The following KIF27 variants were observed in gnomAD, a reference collection of about 807,000 sequenced individuals.
KIF27 encodes the protein kinesin family member 27.
Under a neutral mutation model 141.8 loss-of-function variants are expected in KIF27, and 84 were observed. The ratio of observed to expected loss-of-function variants is 0.59; its 90% confidence interval spans 0.50 to 0.71. The LOEUF (loss-of-function observed/expected upper bound fraction) is 0.71. Ranked by LOEUF, KIF27 falls within the 30% of genes least tolerant of loss-of-function variation. The probability of loss-of-function intolerance (pLI) is 0.00; values close to 1 mark genes in which losing one functional copy is unlikely to be tolerated. For missense variants in KIF27, 1,306 were observed against 1,628.4 expected (o/e 0.80, Z 3.41); for synonymous variants, 471 against 569.5 (o/e 0.83, Z 2.46).
At chr9:83,839,083 A>C (rs985628768) in intron 17 of KIF27, among the ~76,000 whole-genome samples, 5 of 152,164 alleles carry the variant, frequency 3.3e-5, no homozygotes, top group South Asian at 4.1e-4. Flanking sequence ...TTGCTCAAGC[A>C]CAGGAGTTTG....
intron 5 of KIF27, among the ~76,000 whole-genome samples, chr9:83,893,938 G>A (rs894872052): frequency 6.6e-6 from 1 of 151,976 alleles, no homozygotes; most frequent in Non-Finnish European, 1.5e-5. Context: ...AAGGGGACAT[G>A]TGACTACACA....
Position 83,903,639 on chromosome 9 carries a change from A to C in KIF27, c.879T>G (p.Tyr293Ter). ...DPRRKSSHIP[Y>*]RDAKITRLLK... is the part of the protein sequence containing the mutation. ...GAAGCCGGGTAATTTTAGCATCCCT[A>C]TATGGAATATGTGAACTCTTCCTGC... The change falls in exon 4 of 18, where the codon TAT becomes TAG. Residue 293 changes from tyrosine (Y) to a stop codon, truncating the protein, a stop_gained. Coordinates refer to ENST00000297814, the MANE Select transcript of KIF27 (RefSeq NM_017576.4). LOFTEE classifies it high-confidence loss of function. The C allele has an allele frequency of 6.2e-7, 1 of 1,614,150 alleles. No homozygotes were observed. Among genetic ancestry groups the C allele is most frequent in the Non-Finnish European group, 8.5e-7 (1 of 1,180,024 alleles).
At chr9:83,890,199 T>C (rs1428126827) in intron 6 of KIF27, among the ~76,000 whole-genome samples, 1 of 152,182 alleles carries the variant, frequency 6.6e-6, no homozygotes, top group East Asian at 1.9e-4. Flanking sequence ...TAAAAAATCC[T>C]ACCTGATTCT....
chr9:83,857,979 T>TC (rs1949444287), intron 14 of KIF27, among the ~76,000 whole-genome samples: 2 of 151,378 alleles, frequency 1.3e-5, no homozygotes, highest in African/African-American at 2.4e-5. Flanking sequence ...TTTTTTTTTT[T>TC]TTTTTGCTTC....
At chr9:83,869,652 G>A (rs532138818) in intron 12 of KIF27, among the ~76,000 whole-genome samples, 15 of 152,128 alleles carry the variant, frequency 9.9e-5, no homozygotes, top group East Asian at 1.9e-4. Context: ...GTGTGAACCC[G>A]GGAGGCGGAG....
chr9:83,859,725 G>A (rs1042842990), intron 13 of KIF27: 2 of 219,342 alleles, frequency 9.1e-6, no homozygotes, highest in Non-Finnish European at 1.8e-5. Flanking sequence ...TAGAGACAGG[G>A]TTTTACCATG....
chr9:83,901,044 G>T (rs1029483191), intron 4 of KIF27, among the ~76,000 whole-genome samples: 5 of 152,078 alleles, frequency 3.3e-5, no homozygotes, highest in Non-Finnish European at 7.4e-5. Flanking sequence ...CTGCAGCCTT[G>T]AACTCCTGGG....
chr9:83,885,508 AC>A lies in KIF27; in HGVS notation c.2240-1491del, dbSNP rs376384826. On this transcript the variant is annotated intron_variant, in intron 9 of 17. Transcript: ENST00000297814. ...TGTCCTCTGACTCTAATTTATGATT[AC>A]TTGACTAACTTTAAAATACATACAA... Among the ~76,000 whole-genome samples, 40 of 152,378 alleles carry A rather than the reference AC, an allele frequency of 2.6e-4. No individual in the cohort carries two copies. In the East Asian group the frequency reaches 6.2e-3, roughly 23 times the overall value.
intron 15 of KIF27, among the ~76,000 whole-genome samples, chr9:83,850,830 C>CTT (rs202212264): frequency 8.6e-4 from 58 of 67,510 alleles, no homozygotes; most frequent in Non-Finnish European, 1.3e-3. Context: ...ATGACATTTT[C>CTT]TTTTTTTTTT....
At chr9:83,859,645 C>T (rs972862191) in intron 13 of KIF27, 25 of 339,240 alleles carry the variant, frequency 7.4e-5, no homozygotes, top group African/African-American at 4.9e-4. Flanking sequence ...GATTCTCCTG[C>T]TTCAGCCTCC....
intron 1 of KIF27, among the ~76,000 whole-genome samples, chr9:83,918,885 G>C (rs760094183): frequency 2.1e-4 from 32 of 152,306 alleles, no homozygotes; most frequent in Admixed American, 5.9e-4. Context: ...AGACCAGCCT[G>C]AACAACATGG....
intron 2 of KIF27, among the ~76,000 whole-genome samples, chr9:83,910,287 T>C (rs1955014911): frequency 6.6e-6 from 1 of 152,124 alleles, no homozygotes; most frequent in Non-Finnish European, 1.5e-5. Flanking sequence ...ATATAATTTC[T>C]AAAGCAGAAA....
chr9:83,854,511 A>T (rs559757023), intron 14 of KIF27, among the ~76,000 whole-genome samples: 1 of 152,348 alleles, frequency 6.6e-6, no homozygotes, highest in African/African-American at 2.4e-5. Flanking sequence ...ATTTTTTCAC[A>T]TACTAGAGAA....
chr9:83,873,426 A>G lies in KIF27; in HGVS notation c.2644-2794T>C, dbSNP rs1205231049. Among the ~76,000 whole-genome samples, 4 of 152,310 alleles carry G rather than the reference A, an allele frequency of 2.6e-5. No homozygotes were observed. The East Asian group carries it at 5.8e-4, about 22-fold the overall frequency. Reference sequence around the variant, plus strand: ...AGAAGTATTTAAAGGAAGTGTTTAGATTTTTAGAACAAGGTTTGAACAGAG... The same window carrying G: ...AGAAGTATTTAAAGGAAGTGTTTAGGTTTTTAGAACAAGGTTTGAACAGAG... On this transcript the variant is annotated intron_variant, in intron 11 of 17. Transcript: ENST00000297814.
At chr9:83,840,516 T>C (rs1946437657) in intron 17 of KIF27, among the ~76,000 whole-genome samples, 1 of 152,184 alleles carries the variant, frequency 6.6e-6, no homozygotes, top group African/African-American at 2.4e-5. Context: ...CCATACTACA[T>C]TGTCATTTTA....
chr9:83,848,490 GTATA>G (rs1948116201), intron 16 of KIF27, among the ~76,000 whole-genome samples: 1 of 139,392 alleles, frequency 7.2e-6, no homozygotes, highest in Admixed American at 7.3e-5. Flanking sequence ...ATATAGATAT[GTATA>G]TATCTATATA....
intron 5 of KIF27, among the ~76,000 whole-genome samples, chr9:83,896,305 A>G (rs1042881906): frequency 9.2e-5 from 14 of 152,158 alleles, no homozygotes; most frequent in African/African-American, 2.9e-4. Flanking sequence ...TTATCTTGGG[A>G]ATTTTGAAGG....
chr9:83,865,727 CTA>C (rs1950304513), intron 13 of KIF27, among the ~76,000 whole-genome samples: 3 of 152,160 alleles, frequency 2.0e-5, no homozygotes, highest in African/African-American at 7.2e-5. Flanking sequence ...GCTTCTTGCT[CTA>C]TCTCTAATGT....
chr9:83,858,993 G>A, intron 14 of KIF27, 163 bp downstream of exon 14: 2 of 633,814 alleles, frequency 3.2e-6, no homozygotes, highest in Non-Finnish European at 5.7e-6. Flanking sequence ...AGTCCAGCGT[G>A]GTTTATGGTG....
Sources: gnomAD v4.1 joint callset for allele counts (sites outside exome capture counted in the v4.1 genomes callset) on GRCh38, gnomAD v4.1.1 for gene constraint, MANE v1.5 for transcripts, NCBI Gene and HGNC (gene_info 2026-07-23, HGNC 2026-07-21) for gene names.